The following SEM1 variants were observed in gnomAD, a reference collection of about 807,000 sequenced individuals.
SEM1 encodes the protein 26S proteasome complex subunit SEM1.
SEM1 carries 3 observed loss-of-function variants against 12.7 expected under a neutral mutation model. That is an observed-to-expected ratio of 0.24 (90% CI 0.11 to 0.61). The LOEUF (loss-of-function observed/expected upper bound fraction) is 0.61, where lower values mean the gene tolerates loss of function less well. Ranked by LOEUF, SEM1 falls within the 20% of genes least tolerant of loss-of-function variation. The pLI is 0.88. For synonymous variants in SEM1, 30 were observed against 27.8 expected (o/e 1.08, Z -0.25); for missense variants, 59 against 81.3 (o/e 0.73, Z 1.06).
chr7:96,498,483 A>G (rs139536636), upstream of SEM1, among the ~76,000 whole-genome samples: 123 of 152,292 alleles, frequency 8.1e-4, 1 homozygote, highest in East Asian at 0.019. Flanking sequence ...ATGGAGAATG[A>G]TTGAACTTAT....
At chr7:96,561,165 G>A (rs1424798932) in intron 2 of SEM1, among the ~76,000 whole-genome samples, 1 of 152,134 alleles carries the variant, frequency 6.6e-6, no homozygotes, top group African/African-American at 2.4e-5. Flanking sequence ...AAGAAAATTA[G>A]AACTTTCATA....
chr7:96,492,835 A>G (rs1402145027), intron 1 of SEM1, among the ~76,000 whole-genome samples: 5 of 151,248 alleles, frequency 3.3e-5, no homozygotes, highest in Non-Finnish European at 7.4e-5. Flanking sequence ...TTCAATGGAC[A>G]TTTTGGTTGT....
intron 2 of SEM1, among the ~76,000 whole-genome samples, chr7:96,528,507 G>A (rs1404576514): frequency 6.6e-6 from 1 of 151,988 alleles, no homozygotes; most frequent in East Asian, 1.9e-4. Context: ...CAATAATTCT[G>A]GACAAATTTG....
intron 2 of SEM1, among the ~76,000 whole-genome samples, chr7:96,526,863 TAAAA>T (rs925723494): frequency 6.7e-6 from 1 of 148,784 alleles, no homozygotes; most frequent in Non-Finnish European, 1.5e-5. Flanking sequence ...TCCTCCTCCT[TAAAA>T]AAAAAAGTTA....
chr7:96,653,738 G>A (rs1443426353), intron 2 of SEM1: 2 of 152,182 alleles, frequency 1.3e-5, no homozygotes, highest in Non-Finnish European at 2.9e-5. Flanking sequence ...AAACTGAGAT[G>A]AGTTACCTAA....
intron 2 of SEM1, among the ~76,000 whole-genome samples, chr7:96,674,158 T>C (rs1389534398): frequency 6.6e-6 from 1 of 152,196 alleles, no homozygotes; most frequent in Admixed American, 6.5e-5. Flanking sequence ...TTATTTGTAA[T>C]TACATATTTA....
At chr7:96,516,156 C>T (rs1027736770) in intron 2 of SEM1, among the ~76,000 whole-genome samples, 1 of 151,750 alleles carries the variant, frequency 6.6e-6, no homozygotes, top group Admixed American at 6.6e-5. Flanking sequence ...TAGAAGATAC[C>T]ATAAGAAAAA....
intron 2 of SEM1, among the ~76,000 whole-genome samples, chr7:96,532,742 C>T (rs74640258): frequency 3.9e-5 from 6 of 152,182 alleles, no homozygotes; most frequent in Admixed American, 3.9e-4. Context: ...AATGCATTAT[C>T]GTACTTGCTA....
downstream of SEM1, among the ~76,000 whole-genome samples, chr7:96,619,976 G>A (rs1807839106): frequency 3.9e-5 from 6 of 152,202 alleles, no homozygotes; most frequent in South Asian, 1.2e-3. Context: ...AGGTAGCATG[G>A]GCAAGAAGCT....
intron 2 of SEM1, among the ~76,000 whole-genome samples, chr7:96,663,087 C>T (rs569667432): frequency 4.8e-4 from 71 of 149,132 alleles, no homozygotes; most frequent in African/African-American, 1.7e-3. Flanking sequence ...ATTAGAGATA[C>T]ATAGTGAAGT....
chr7:96,698,256 A>AT (rs5885977), intron 1 of SEM1, among the ~76,000 whole-genome samples: 15,229 of 151,768 alleles, frequency 0.1, 816 homozygotes, highest in East Asian at 0.15. Context: ...TTGATTTGGG[A>AT]TTTTTTTTAC....
intron 1 of SEM1, among the ~76,000 whole-genome samples, chr7:96,490,037 C>A (rs562588536): frequency 6.6e-6 from 1 of 152,160 alleles, no homozygotes; most frequent in Non-Finnish European, 1.5e-5. Flanking sequence ...TGTACGGAAC[C>A]CTGACTTGAC....
intron 2 of SEM1, among the ~76,000 whole-genome samples, chr7:96,525,132 T>C (rs1326420361): frequency 3.9e-5 from 6 of 152,058 alleles, no homozygotes; most frequent in Non-Finnish European, 5.9e-5. Context: ...GGAAAACACA[T>C]CTTCCTTAAC....
chr7:96,588,167 G>A lies in SEM1; in HGVS notation c.171-81469C>T, dbSNP rs1245034773. 3.5e-4 allele frequency among the ~76,000 whole-genome samples: 40 copies of A among 114,318 alleles called. 1 individual carries two copies. In the Admixed American group the frequency reaches 4.2e-3, roughly 12 times the overall value. The allele number at this position is 114,318 out of a possible 152,430, so 75.0% of individuals were successfully genotyped here. A position where few individuals can be genotyped will look rare whatever the true frequency, so the allele number is the denominator to read the frequency against. ...AAGGATCGCTTGAGCCCAGGACTTT[G>A]AGACCAGCCTGGGCAATAGTGAGAC... On this transcript the variant is annotated intron_variant and NMD_transcript_variant, in intron 2 of 3. Coordinates refer to the SEM1 transcript ENST00000466986.
chr7:96,522,998 A>G (rs969117624), intron 2 of SEM1, among the ~76,000 whole-genome samples: 4 of 152,018 alleles, frequency 2.6e-5, no homozygotes, highest in African/African-American at 9.7e-5. Flanking sequence ...TATGTTGCCA[A>G]TAGGCTGCTT....
intron 2 of SEM1, among the ~76,000 whole-genome samples, chr7:96,578,946 C>T (rs761477687): frequency 4.6e-5 from 7 of 152,140 alleles, no homozygotes; most frequent in Non-Finnish European, 1.0e-4. Flanking sequence ...GCCTGCAGAT[C>T]TAGGAAGTTC....
At chr7:96,607,949 T>C (rs1454224484) in intron 2 of SEM1, among the ~76,000 whole-genome samples, 6 of 152,164 alleles carry the variant, frequency 3.9e-5, no homozygotes, top group Non-Finnish European at 5.9e-5. Context: ...ATTAAAATGA[T>C]AGAGAAATTG....
intron 2 of SEM1, among the ~76,000 whole-genome samples, chr7:96,558,669 A>C (rs1234283168): frequency 6.6e-6 from 1 of 152,206 alleles, no homozygotes; most frequent in Non-Finnish European, 1.5e-5. Context: ...AGAGGGTAGA[A>C]ACATGAAAGA....
intron 2 of SEM1, among the ~76,000 whole-genome samples, chr7:96,564,230 T>C (rs751069953): frequency 6.6e-6 from 1 of 152,048 alleles, no homozygotes; most frequent in Non-Finnish European, 1.5e-5. Context: ...TCTCATTATT[T>C]ATAAGTCTTT....
Sources: gnomAD v4.1 joint callset for allele counts (sites outside exome capture counted in the v4.1 genomes callset) on GRCh38, gnomAD v4.1.1 for gene constraint, MANE v1.5 for transcripts, NCBI Gene and HGNC (gene_info 2026-07-23, HGNC 2026-07-21) for gene names.